SORCS3: variants seen among roughly 807,000 people sequenced by gnomAD.
The protein encoded by SORCS3 is VPS10 domain-containing receptor SorCS3.
A neutral mutation model predicts 146.3 loss-of-function variants in SORCS3; 57 were observed. The observed-to-expected ratio is 0.39, with a 90% CI of 0.31 to 0.49. SORCS3 has a LOEUF of 0.49. SORCS3 is among the 20% of genes least tolerant of loss of function. The pLI, the probability that SORCS3 is intolerant of heterozygous loss-of-function variation, is 0.92. For synonymous variants in SORCS3, 653 were observed against 618.5 expected (o/e 1.06, Z -0.83); for missense variants, 1,341 against 1,575.5 (o/e 0.85, Z 2.52).
At chr10:104,872,565 G>GTTT (rs2018529555) in intron 2 of SORCS3, among the ~76,000 whole-genome samples, 1 of 57,914 alleles carries the variant, frequency 1.7e-5, no homozygotes. Flanking sequence ...TCCTCATTTT[G>GTTT]ATTTTTTTTT....
intron 1 of SORCS3, among the ~76,000 whole-genome samples, chr10:104,674,324 G>A (rs1441341197): frequency 1.3e-5 from 2 of 152,234 alleles, no homozygotes; most frequent in East Asian, 3.8e-4. Context: ...ACTGGACTCA[G>A]TAACTTGCTT....
intron 11 of SORCS3, among the ~76,000 whole-genome samples, chr10:105,161,627 G>C (rs2056263959): frequency 6.6e-6 from 1 of 152,058 alleles, no homozygotes; most frequent in African/African-American, 2.4e-5. Context: ...GAAACACTAG[G>C]GTTCCTAATA....
intron 16 of SORCS3, among the ~76,000 whole-genome samples, chr10:105,205,548 C>A (rs2056597619): frequency 6.6e-6 from 1 of 152,074 alleles, no homozygotes; most frequent in Non-Finnish European, 1.5e-5. Context: ...TGTTAGAGAC[C>A]AGCAGGCAGT....
At chr10:104,723,674 G>T (rs994193709) in intron 1 of SORCS3, among the ~76,000 whole-genome samples, 7 of 152,174 alleles carry the variant, frequency 4.6e-5, no homozygotes, top group African/African-American at 1.7e-4. Context: ...TGTATTGGGT[G>T]CATATATATT....
At chr10:105,077,745 G>A (rs567996840) in intron 5 of SORCS3, among the ~76,000 whole-genome samples, 16 of 152,264 alleles carry the variant, frequency 1.1e-4, no homozygotes, top group South Asian at 8.3e-4. Context: ...TTATGGTCTC[G>A]TAAACCAATC....
chr10:105,050,036 T>TACACAC (rs35011679), intron 5 of SORCS3, among the ~76,000 whole-genome samples: 26 of 149,224 alleles, frequency 1.7e-4, no homozygotes, highest in African/African-American at 5.1e-4. Context: ...TATATATACA[T>TACACAC]ACACACACAC....
chr10:104,906,953 T>C (rs184219108), intron 2 of SORCS3, among the ~76,000 whole-genome samples: 115 of 152,344 alleles, frequency 7.5e-4, no homozygotes, highest in Non-Finnish European at 1.4e-3. Flanking sequence ...TTTATATATT[T>C]TCCACTAGAT....
intron 2 of SORCS3, among the ~76,000 whole-genome samples, chr10:104,905,796 G>A (rs7895614): frequency 0.19 from 28,868 of 152,144 alleles, 6,352 homozygotes; most frequent in African/African-American, 0.54. Flanking sequence ...GAGAGGCTCC[G>A]TCGGGGAGGA....
At chr10:104,995,155 T>C (rs2055016933) in intron 4 of SORCS3, among the ~76,000 whole-genome samples, 1 of 149,128 alleles carries the variant, frequency 6.7e-6, no homozygotes, top group African/African-American at 2.5e-5. Context: ...CTTTTCTTTC[T>C]TTCTTTCTCT....
intron 8 of SORCS3, 33 bp from the exon 9 acceptor site, chr10:105,147,584 C>G: frequency 6.3e-7 from 1 of 1,574,914 alleles, no homozygotes; most frequent in Non-Finnish European, 8.6e-7. Context: ...ATATGGAGAT[C>G]TGCTGCCTTA....
chr10:104,861,026 C>T (rs189102283), intron 2 of SORCS3, among the ~76,000 whole-genome samples: 9 of 152,292 alleles, frequency 5.9e-5, no homozygotes, highest in Admixed American at 5.2e-4. Flanking sequence ...AGACCCAAGA[C>T]TCTTCCAAAT....
chr10:104,697,234 T>C (rs564732922), intron 1 of SORCS3, among the ~76,000 whole-genome samples: 6 of 152,188 alleles, frequency 3.9e-5, no homozygotes, highest in Non-Finnish European at 8.8e-5. Flanking sequence ...TGCAAGTGAA[T>C]ATCCTTGTTC....
At chr10:105,049,992 A>G (rs2055399674) in intron 5 of SORCS3, among the ~76,000 whole-genome samples, 1 of 151,700 alleles carries the variant, frequency 6.6e-6, no homozygotes. Context: ...ATAGAACACT[A>G]GAAAAACTAT....
intron 1 of SORCS3, among the ~76,000 whole-genome samples, chr10:104,772,349 C>T (rs141855111): frequency 8.0e-4 from 122 of 152,300 alleles, no homozygotes; most frequent in African/African-American, 2.4e-3. Context: ...ACAACAGGGA[C>T]CCTGTGTCTC....
At chr10:104,705,225 G>GT (rs11361828) in intron 1 of SORCS3, among the ~76,000 whole-genome samples, 23,569 of 119,480 alleles carry the variant, frequency 0.2, 2,593 homozygotes, top group South Asian at 0.3. Flanking sequence ...GCAGGCCTTC[G>GT]TTTTTTTTTT....
At chr10:104,807,929 G>T (rs190853986) in intron 1 of SORCS3, among the ~76,000 whole-genome samples, 1 of 152,332 alleles carries the variant, frequency 6.6e-6, no homozygotes, top group Admixed American at 6.5e-5. Flanking sequence ...CCAGGAAGGG[G>T]TATGGCTCAG....
intron 1 of SORCS3, among the ~76,000 whole-genome samples, chr10:104,650,310 G>A (rs1326463501): frequency 6.6e-6 from 1 of 152,150 alleles, no homozygotes; most frequent in Non-Finnish European, 1.5e-5. Context: ...AAAATAAATA[G>A]GATGAAATAA....
chr10:104,901,625 G>C (rs2007698), intron 2 of SORCS3, among the ~76,000 whole-genome samples: 1 of 151,854 alleles, frequency 6.6e-6, no homozygotes, highest in South Asian at 2.1e-4. Context: ...GGAGAGGACT[G>C]TCTCTGAATT....
At chr10:105,084,746 T>A (rs1264412842) in intron 5 of SORCS3, among the ~76,000 whole-genome samples, 1 of 151,882 alleles carries the variant, frequency 6.6e-6, no homozygotes, top group Non-Finnish European at 1.5e-5. Flanking sequence ...TTTTTTTTTT[T>A]TTGAGATGGA....
Sources: gnomAD v4.1 joint callset for allele counts (sites outside exome capture counted in the v4.1 genomes callset) on GRCh38, gnomAD v4.1.1 for gene constraint, MANE v1.5 for transcripts, NCBI Gene and HGNC (gene_info 2026-07-23, HGNC 2026-07-21) for gene names.